TNS3: variants seen among roughly 807,000 people sequenced by gnomAD.
TNS3 encodes the protein tensin-3.
TNS3 carries 45 observed loss-of-function variants against 140.9 expected under a neutral mutation model. The ratio of observed to expected loss-of-function variants is 0.32; its 90% CI spans 0.25 to 0.41. The LOEUF is 0.41. Among genes scored for constraint, TNS3 ranks in the 10% least tolerant of loss-of-function variants. The probability of loss-of-function intolerance (pLI) is 1.00; values close to 1 mark genes in which losing one functional copy is unlikely to be tolerated. For synonymous variants in TNS3, 815 were observed against 788.4 expected (o/e 1.03, Z -0.56); for missense variants, 1,716 against 1,906.7 (o/e 0.90, Z 1.86).
intron 22 of TNS3, 25 bp from the exon 23 acceptor site, chr7:47,302,297 T>C: frequency 6.3e-7 from 1 of 1,581,224 alleles, no homozygotes; most frequent in Non-Finnish European, 8.7e-7. Context: ...TTAAAAACAG[T>C]GACCATGATG....
chr7:47,567,844 C>A (rs1291132204), intron 1 of TNS3, among the ~76,000 whole-genome samples: 1 of 152,158 alleles, frequency 6.6e-6, no homozygotes, highest in Non-Finnish European at 1.5e-5. Context: ...AGTCCTGCAA[C>A]TGGTGAGTGG....
chr7:47,283,767 G>T lies in TNS3; in HGVS notation c.4027C>A (p.Pro1343Thr). 6.2e-7 allele frequency: 1 copy of T among 1,612,104 alleles called. No homozygotes were observed. The highest frequency in any genetic ancestry group is 1.1e-5 in the South Asian group (1 of 90,752). ...ALSITLVQEP[P>T]PVSTVVHFKV... ...AAGTGCACAACTGTGGACACAGGTGGAGGCTCCTGGACCAGGGTGATGCTC... is the reference window on the plus strand; with the variant it reads ...AAGTGCACAACTGTGGACACAGGTGTAGGCTCCTGGACCAGGGTGATGCTC... The change falls in exon 28 of 31, where the codon CCA (proline) becomes ACA (threonine). Residue 1343 changes from proline (P) to threonine (T), a missense_variant. By Grantham distance (38) the Pro-to-Thr change is conservative. Coordinates refer to ENST00000311160, the MANE Select transcript of TNS3 (RefSeq NM_022748.12).
rs541878076 is a variant in TNS3 at position 47,285,205 on chromosome 7, C to A, written c.3929-1340G>T. 2.0e-5 allele frequency among the ~76,000 whole-genome samples: 3 copies of A among 152,310 alleles called. No homozygotes were observed. In the East Asian group the frequency reaches 5.8e-4, roughly 29 times the overall value. On this transcript the variant is annotated intron_variant, in intron 27 of 30. Transcript: ENST00000311160. ...CTTGTGAGTTGCTGGACCATCCTTT[C>A]TATCCACCGCAAAGGCCATATTGTT...
At position 47,439,623 on chromosome 7, in the gene TNS3, T is replaced by A. The variant is rs761812616; in HGVS notation, c.14A>T (p.His5Leu). MEEG[H>L]GLDLTYITER... The stretch of plus-strand genomic sequence containing the variant: ...CGTGATGTAAGTGAGGTCCAGCCCA[T>A]GGCCCTCCTCCATGGTGGGACTCAG... The change falls in exon 6 of 31, where the codon CAT becomes CTT. Residue 5 changes from histidine to leucine, a missense_variant. This residue lies in a region of TNS3 where 337 missense variants were observed against 428.9 expected (regional missense o/e 0.79). Coordinates refer to ENST00000311160, the MANE Select transcript of TNS3 (RefSeq NM_022748.12). 1 of 1,614,066 alleles carries A rather than the reference T, an allele frequency of 6.2e-7. No homozygotes were observed. The highest frequency in any genetic ancestry group is 1.1e-5 in the South Asian group (1 of 91,034).
chr7:47,408,643 T>A (rs1240166470), intron 13 of TNS3, among the ~76,000 whole-genome samples: 1 of 152,200 alleles, frequency 6.6e-6, no homozygotes, highest in East Asian at 1.9e-4. Flanking sequence ...CATTTAATCC[T>A]TACAAACCTG....
At chr7:47,423,181 CACAAGGT>C (rs1168669045) in intron 10 of TNS3, among the ~76,000 whole-genome samples, 1 of 152,236 alleles carries the variant, frequency 6.6e-6, no homozygotes, top group Non-Finnish European at 1.5e-5. Context: ...AACTTGCATA[CACAAGGT>C]CGGGTGTGCA....
chr7:47,311,491 A>G (rs886856173), intron 20 of TNS3, among the ~76,000 whole-genome samples: 1 of 151,758 alleles, frequency 6.6e-6, no homozygotes, highest in African/African-American at 2.4e-5. Flanking sequence ...TCAAATGGAA[A>G]CTCTAGAACT....
At chr7:47,397,609 T>A (rs904788370) in intron 15 of TNS3, among the ~76,000 whole-genome samples, 1 of 152,238 alleles carries the variant, frequency 6.6e-6, no homozygotes, top group Admixed American at 6.5e-5. Flanking sequence ...GAAATCATGA[T>A]GGAAATTTAA....
At chr7:47,475,125 C>G (rs928748692) in intron 4 of TNS3, among the ~76,000 whole-genome samples, 1 of 151,812 alleles carries the variant, frequency 6.6e-6, no homozygotes, top group African/African-American at 2.4e-5. Context: ...CATACACACA[C>G]AAAACACCTC....
intron 1 of TNS3, among the ~76,000 whole-genome samples, chr7:47,536,890 A>C (rs1262665221): frequency 2.0e-5 from 3 of 152,186 alleles, no homozygotes; most frequent in Non-Finnish European, 4.4e-5. Flanking sequence ...ACACGCATAC[A>C]CATGAGCACA....
rs541301563 is a variant in TNS3, at chr7:47,482,854, T to C, written c.-114-1713A>G. On this transcript the variant is annotated intron_variant, in intron 3 of 30. Coordinates refer to ENST00000311160, the MANE Select transcript of TNS3 (RefSeq NM_022748.12). ...GCCACATACTGTATGATTTCAACTC[T>C]GTGACATTCTGGAAAAGGCAAAACT... is the stretch of plus-strand genomic sequence containing the variant. 5.3e-5 allele frequency among the ~76,000 whole-genome samples: 8 copies of C among 152,332 alleles called. No homozygotes were observed. The East Asian group carries it at 1.5e-3, about 29-fold the overall frequency.
At chr7:47,328,141 T>C (rs1165041194) in intron 20 of TNS3, among the ~76,000 whole-genome samples, 1 of 152,066 alleles carries the variant, frequency 6.6e-6, no homozygotes, top group African/African-American at 2.4e-5. Flanking sequence ...GGCAGGGCTC[T>C]GTGTTCCGGC....
At chr7:47,412,789 T>C (rs1018430010) in intron 12 of TNS3, among the ~76,000 whole-genome samples, 1 of 151,964 alleles carries the variant, frequency 6.6e-6, no homozygotes, top group African/African-American at 2.4e-5. Context: ...AAAACAAAAA[T>C]GCAACCATAA....
At chr7:47,530,838 A>AAAAAAAAAAAAAAAATATAT in intron 1 of TNS3, among the ~76,000 whole-genome samples, 5 of 54,562 alleles carry the variant, frequency 9.2e-5, no homozygotes, top group Admixed American at 6.9e-4. Context: ...AAAAAAAAAA[A>AAAAAAAAAAAAAAAATATAT]ATATATATAT....
chr7:47,411,581 T>C, intron 13 of TNS3, 146 bp downstream of exon 13: 1 of 824,312 alleles, frequency 1.2e-6, no homozygotes, highest in South Asian at 2.0e-5. Context: ...ACCCCAGTGT[T>C]AAGGTAAAAG....
intron 4 of TNS3, among the ~76,000 whole-genome samples, chr7:47,455,061 C>T (rs1796191214): frequency 6.6e-6 from 1 of 152,206 alleles, no homozygotes; most frequent in Non-Finnish European, 1.5e-5. Context: ...ACAGGCATCC[C>T]AAGGACAGCC....
chr7:47,582,317 C>T, upstream of TNS3: 1 of 408,480 alleles, frequency 2.4e-6, no homozygotes, highest in East Asian at 7.5e-5. Context: ...CGCCCTGGGA[C>T]CTCCCTTCGC....
At chr7:47,567,683 C>CAAAAAA (rs57071957) in intron 1 of TNS3, among the ~76,000 whole-genome samples, 3 of 85,040 alleles carry the variant, frequency 3.5e-5, no homozygotes, top group African/African-American at 4.5e-5. Context: ...GACTCGGTCT[C>CAAAAAA]AAAAAAAAAA....
chr7:47,461,007 A>G (rs2151689158), intron 4 of TNS3, among the ~76,000 whole-genome samples: 1 of 152,302 alleles, frequency 6.6e-6, no homozygotes, highest in Middle Eastern at 3.4e-3. Flanking sequence ...TTGAGCAATT[A>G]ACTTCAAAAT....
Sources: allele counts gnomAD v4.1 joint callset (sites outside exome capture counted in the v4.1 genomes callset), GRCh38; gene constraint gnomAD v4.1.1; regional missense constraint gnomAD v4.1.1; transcripts MANE v1.5; gene names NCBI Gene and HGNC (gene_info 2026-07-23, HGNC 2026-07-21).